TRMT11: variants seen among roughly 807,000 people sequenced by gnomAD.
TRMT11 encodes tRNA (guanine(10)-N(2))-methyltransferase TRMT11.
TRMT11 carries 53 observed loss-of-function variants against 62.8 expected under a neutral mutation model. That is an observed-to-expected ratio of 0.84 (90% CI 0.68 to 1.06). The LOEUF is 1.06. TRMT11 is among the 50% of genes least tolerant of loss of function. The probability of loss-of-function intolerance (pLI) is 0.00; values close to 1 mark genes in which losing one functional copy is unlikely to be tolerated. For missense variants in TRMT11, 556 were observed against 553.4 expected, an observed-to-expected ratio of 1.00 and a Z score of -0.05; for synonymous variants, 188 against 190.3, an observed-to-expected ratio of 0.99 and a Z score of 0.10.
the TRMT11 span, among the ~76,000 whole-genome samples, chr6:126,270,880 C>T: frequency 1.1e-4 from 16 of 152,202 alleles, no homozygotes; most frequent in Admixed American, 9.2e-4. Context: ...TTTGTGAATA[C>T]TTGGAAAGCA....
chr6:126,239,781 T>G, the TRMT11 span, among the ~76,000 whole-genome samples: 2 of 152,246 alleles, frequency 1.3e-5, no homozygotes, highest in Non-Finnish European at 2.9e-5. Flanking sequence ...GAAGTTCTCC[T>G]GGATAGTATC....
chr6:126,144,130 G>C (rs553530589), intron 21 of TRMT11, among the ~76,000 whole-genome samples: 2 of 152,086 alleles, frequency 1.3e-5, no homozygotes, highest in African/African-American at 4.8e-5. Flanking sequence ...TCACGGTCTG[G>C]TGCTCCTGAA....
chr6:126,192,700 A>C lies in TRMT11; in HGVS notation n.144-6099A>C, dbSNP rs139400253. 4.2e-3 allele frequency among the ~76,000 whole-genome samples: 638 copies of C among 152,200 alleles called. 4 individuals are homozygous for C. The highest frequency in any genetic ancestry group is 0.013 in the South Asian group (61 of 4,822). On this transcript the variant is annotated intron_variant and non_coding_transcript_variant, in intron 1 of 3. Coordinates refer to the TRMT11 transcript ENST00000444229. ...ATTTTTCAATATCAACATAATGATC[A>C]TATGTTTTTTTGCCCTTGTTTCTGT...
intron 17 of TRMT11, among the ~76,000 whole-genome samples, chr6:126,105,004 C>T (rs544863183): frequency 2.6e-5 from 4 of 152,234 alleles, no homozygotes; most frequent in Non-Finnish European, 4.4e-5. Flanking sequence ...GGAGCTGATC[C>T]GATAAGGAGT....
intron 21 of TRMT11, among the ~76,000 whole-genome samples, chr6:126,140,266 A>G (rs527804066): frequency 1.3e-5 from 2 of 152,058 alleles, no homozygotes; most frequent in South Asian, 2.1e-4. Flanking sequence ...AAATCCCTGT[A>G]TCTGATTTGC....
intron 17 of TRMT11, among the ~76,000 whole-genome samples, chr6:126,084,887 T>C (rs574716891): frequency 3.4e-4 from 52 of 152,176 alleles, no homozygotes; most frequent in African/African-American, 1.1e-3. Flanking sequence ...GTCAAACTCA[T>C]AGAAACAGAG....
rs146407133 is a variant in TRMT11, at chr6:125,990,756, A to G, written c.73-3001A>G. Among the ~76,000 whole-genome samples, 7 of 152,250 alleles carry G rather than the reference A, an allele frequency of 4.6e-5. No homozygotes were observed. In the East Asian group the frequency reaches 1.4e-3, roughly 29 times the overall value. On this transcript the variant is annotated intron_variant, in intron 1 of 12. Transcript: ENST00000334379. ...AGTTTCCATGAAACTTTACTTCTCA[A>G]ACTGAAGTAATCTTTTACTCTCTTG...
chr6:126,029,627 A>G (rs998156855), intron 12 of TRMT11, among the ~76,000 whole-genome samples: 7 of 152,200 alleles, frequency 4.6e-5, no homozygotes, highest in Non-Finnish European at 8.8e-5. Context: ...GTGAGAGCAT[A>G]TATATGTGCA....
At chr6:126,243,756 G>T in the TRMT11 span, among the ~76,000 whole-genome samples, 1 of 152,116 alleles carries the variant, frequency 6.6e-6, no homozygotes, top group African/African-American at 2.4e-5. Context: ...CACAGGAAGG[G>T]GAACATCACT....
chr6:126,055,088 C>T (rs1376925766), intron 17 of TRMT11, among the ~76,000 whole-genome samples: 1 of 152,178 alleles, frequency 6.6e-6, no homozygotes, highest in African/African-American at 2.4e-5. Context: ...CCTCAACCTC[C>T]TGAGAAGCTG....
chr6:126,099,443 G>A (rs1222478304), intron 17 of TRMT11, among the ~76,000 whole-genome samples: 1 of 152,150 alleles, frequency 6.6e-6, no homozygotes, highest in Non-Finnish European at 1.5e-5. Context: ...TTGACTTTCC[G>A]TGTACTGACA....
intron 17 of TRMT11, among the ~76,000 whole-genome samples, chr6:126,103,349 G>A (rs888456613): frequency 6.6e-6 from 1 of 152,198 alleles, no homozygotes; most frequent in Non-Finnish European, 1.5e-5. Flanking sequence ...GCACAATTGA[G>A]TTGTCTTTGT....
chr6:126,065,617 A>C (rs912060713), intron 17 of TRMT11, among the ~76,000 whole-genome samples: 10 of 152,238 alleles, frequency 6.6e-5, no homozygotes, highest in Non-Finnish European at 1.5e-4. Context: ...CTTAATTGTG[A>C]AATGGGAATA....
chr6:126,187,163 GA>G (rs1778536856), intron 1 of TRMT11, among the ~76,000 whole-genome samples: 1 of 151,762 alleles, frequency 6.6e-6, no homozygotes, highest in Non-Finnish European at 1.5e-5. Flanking sequence ...TTGAAAAGAA[GA>G]AATAAAACAT....
At chr6:126,229,158 A>G in the TRMT11 span, among the ~76,000 whole-genome samples, 1 of 152,186 alleles carries the variant, frequency 6.6e-6, no homozygotes, top group African/African-American at 2.4e-5. Context: ...AAAATGTTAT[A>G]TTTTGACATT....
At chr6:126,151,903 TTC>T (rs1554242296) in intron 21 of TRMT11, among the ~76,000 whole-genome samples, 1,442 of 14,896 alleles carry the variant, frequency 0.097, 149 homozygotes, top group African/African-American at 0.31. Context: ...TTTCTTTCTT[TTC>T]TCTTTCTTTC....
chr6:126,156,134 C>T (rs1309932527), intron 21 of TRMT11, among the ~76,000 whole-genome samples: 1 of 152,240 alleles, frequency 6.6e-6, no homozygotes, highest in Non-Finnish European at 1.5e-5. Flanking sequence ...TTGGGCAGCT[C>T]TGCCCTTGTG....
chr6:126,057,337 A>G (rs1306630811), intron 17 of TRMT11, among the ~76,000 whole-genome samples: 1 of 152,214 alleles, frequency 6.6e-6, no homozygotes, highest in Admixed American at 6.5e-5. Flanking sequence ...CTTTGAAGCT[A>G]CTTATCTCTG....
chr6:126,054,794 A>G (rs895777522), intron 17 of TRMT11, among the ~76,000 whole-genome samples: 2 of 152,222 alleles, frequency 1.3e-5, no homozygotes, highest in African/African-American at 2.4e-5. Context: ...TGATTCAAGC[A>G]CTGTTGCCTA....
Sources: gnomAD v4.1 joint callset for allele counts (sites outside exome capture counted in the v4.1 genomes callset) on GRCh38, gnomAD v4.1.1 for gene constraint, MANE v1.5 for transcripts, NCBI Gene and HGNC (gene_info 2026-07-23, HGNC 2026-07-21) for gene names.